Variants in KATNIP observed in about 807,000 individuals in gnomAD.
The protein encoded by KATNIP is katanin interacting protein.
In KATNIP, 126 loss-of-function variants were observed where a neutral mutation model predicts 174.0. The ratio of observed to expected loss-of-function variants is 0.72; its 90% CI spans 0.63 to 0.84. The LOEUF is 0.84. Ranked by LOEUF, KATNIP falls within the 40% of genes least tolerant of loss-of-function variation. The pLI, the probability that KATNIP is intolerant of heterozygous loss-of-function variation, is 0.00. For synonymous variants in KATNIP, 810 were observed against 835.7 expected (o/e 0.97, Z 0.53); for missense variants, 1,958 against 2,109.7 (o/e 0.93, Z 1.41).
chr16:27,694,974 T>C (rs2078865755), intron 8 of KATNIP, among the ~76,000 whole-genome samples: 1 of 152,092 alleles, frequency 6.6e-6, no homozygotes. Flanking sequence ...ACCCACAGCC[T>C]TCCACAGCTC....
chr16:27,704,679 G>A (rs2079229040), intron 12 of KATNIP, among the ~76,000 whole-genome samples: 1 of 152,128 alleles, frequency 6.6e-6, no homozygotes, highest in Non-Finnish European at 1.5e-5. Flanking sequence ...TAGTATAAAA[G>A]GATGGAAGCT....
At chr16:27,693,630 C>G (rs1454692530) in intron 8 of KATNIP, among the ~76,000 whole-genome samples, 1 of 151,974 alleles carries the variant, frequency 6.6e-6, no homozygotes, top group Non-Finnish European at 1.5e-5. Flanking sequence ...CTCAGGTGAT[C>G]CACCTGCCTC....
chr16:27,650,969 A>C (rs2077103056), intron 6 of KATNIP, among the ~76,000 whole-genome samples: 2 of 152,200 alleles, frequency 1.3e-5, no homozygotes, highest in South Asian at 4.1e-4. Context: ...AGTCTGTGCA[A>C]AACAGCCATC....
At chr16:27,561,338 A>G (rs974114567) in intron 1 of KATNIP, among the ~76,000 whole-genome samples, 4 of 152,008 alleles carry the variant, frequency 2.6e-5, no homozygotes, top group African/African-American at 4.8e-5. Context: ...CTTTTTCTCT[A>G]GTGGACACAT....
At chr16:27,773,029 C>T (rs1317230675) in intron 22 of KATNIP, 70 bp from the exon 23 acceptor site, 1 of 837,894 alleles carries the variant, frequency 1.2e-6, no homozygotes, top group Admixed American at 2.7e-5. Context: ...TTCCTCTTAT[C>T]TTTGCCATTG....
rs781332905 is a variant in KATNIP, at chr16:27,618,501, G to C, written c.140G>C (p.Arg47Pro). 6.2e-7 allele frequency: 1 copy of C among 1,606,008 alleles called. No individual in the cohort carries two copies. Among genetic ancestry groups the C allele is most frequent in the East Asian group, 2.2e-5 (1 of 44,852 alleles). ...TTAATATTGCTTCAGCAGAGGAACC[G>C]GTAAGAGAAGCCACTCGACGGCAGC... is the stretch of plus-strand genomic sequence containing the variant. ...EYLILLQQRN[R>P]ILKHLKSKDP... The change falls in exon 3 of 28, where the codon CGG becomes CCG. Residue 47 changes from arginine to proline, a missense_variant and splice_region_variant. Arg to Pro is a moderately radical substitution (Grantham distance 103). This residue lies in a region of KATNIP where 1,557 missense variants were observed against 1,617.8 expected (regional missense o/e 0.96). Coordinates refer to ENST00000261588, the MANE Select transcript of KATNIP (RefSeq NM_015202.5).
chr16:27,686,208 G>T (rs2078517475), intron 8 of KATNIP, among the ~76,000 whole-genome samples: 1 of 152,264 alleles, frequency 6.6e-6, no homozygotes. Flanking sequence ...TCTCCTCAAG[G>T]CAACATCTGG....
chr16:27,751,594 C>A, intron 16 of KATNIP, 125 bp from the exon 17 acceptor site: 2 of 812,098 alleles, frequency 2.5e-6, no homozygotes, highest in South Asian at 1.7e-5. Context: ...AAGGCTCACA[C>A]TAATCAATAC....
chr16:27,597,222 C>T (rs2075362556), intron 2 of KATNIP, among the ~76,000 whole-genome samples: 1 of 151,912 alleles, frequency 6.6e-6, no homozygotes, highest in African/African-American at 2.4e-5. Flanking sequence ...AAATTGTCAC[C>T]TTCTAGATAA....
In KATNIP at chr16:27,777,579, G is replaced by A. The variant is rs200979678; in HGVS notation, c.4552-31G>A. 7 of 1,573,872 alleles carry A rather than the reference G, an allele frequency of 4.4e-6. No homozygotes were observed. In the East Asian group the frequency reaches 6.8e-5, roughly 15 times the overall value. ...AGGTCAACGTGGGAGGGACGAGGGG[G>A]ACCCATGAGTCCTGCCCCGTGTCCC... On this transcript the variant is annotated intron_variant, in intron 25 of 27. Transcript: ENST00000261588. The surrounding 1 kb of genome is among the most constrained non-coding windows in gnomAD (Gnocchi z 4.4).
chr16:27,731,014 C>T (rs950575239), intron 14 of KATNIP, among the ~76,000 whole-genome samples: 3 of 152,170 alleles, frequency 2.0e-5, no homozygotes, highest in East Asian at 3.8e-4. Flanking sequence ...CCCGTGGCTG[C>T]GGTGCCACTA....
At chr16:27,556,292 G>A (rs1417856726) in intron 1 of KATNIP, among the ~76,000 whole-genome samples, 3 of 152,144 alleles carry the variant, frequency 2.0e-5, no homozygotes, top group Non-Finnish European at 4.4e-5. Context: ...AAAATCCAAT[G>A]TTTGACATTT....
intron 2 of KATNIP, among the ~76,000 whole-genome samples, chr16:27,605,730 G>A (rs935753814): frequency 1.3e-5 from 2 of 152,176 alleles, no homozygotes; most frequent in Admixed American, 1.3e-4. Context: ...CGTTGCTTTA[G>A]GTCTTTGTTG....
At position 27,740,758 on chromosome 16, in the gene KATNIP, A is replaced by G. The variant is rs2081074246; in HGVS notation, c.2461A>G (p.Asn821Asp). ...AGGGTGGGGGACCAGCCGGAGTGTCAACACCAAGGAGAGACCCCAGAGGGC... is the reference window on the plus strand; with the variant it reads ...AGGGTGGGGGACCAGCCGGAGTGTCGACACCAAGGAGAGACCCCAGAGGGC... ...EPGWGTSRSV[N>D]TKERPQRATT... The change falls in exon 15 of 28, where the codon AAC (asparagine) becomes GAC (aspartate). Residue 821 changes from asparagine to aspartate, a missense_variant. Physicochemically the swap from Asn to Asp is conservative, Grantham distance 23. Around this residue, in one of 3 missense-constraint regions of KATNIP, gnomAD observed 1,557 missense variants for 1,617.8 expected, o/e 0.96. Coordinates refer to ENST00000261588, the MANE Select transcript of KATNIP (RefSeq NM_015202.5). 1 of 1,614,102 alleles carries G rather than the reference A, an allele frequency of 6.2e-7. No homozygotes were observed. Among genetic ancestry groups the G allele is most frequent in the Admixed American group, 1.7e-5 (1 of 60,006 alleles).
chr16:27,761,599 C>T lies in KATNIP; in HGVS notation c.3809+9C>T, dbSNP rs1304015327. ...TCCCGGGCCCTGGACAAGTAAGTGT[C>T]TATCAGAAGCTTTACTTTCATGCCC... On this transcript the variant is annotated intron_variant, in intron 19 of 27. Transcript: ENST00000261588. 3 of 1,608,302 alleles carry T rather than the reference C, an allele frequency of 1.9e-6. No homozygotes were observed. The highest frequency in any genetic ancestry group is 1.1e-5 in the South Asian group (1 of 90,962).
intron 12 of KATNIP, among the ~76,000 whole-genome samples, chr16:27,705,214 A>G (rs1194031666): frequency 1.3e-5 from 2 of 151,646 alleles, no homozygotes; most frequent in African/African-American, 4.8e-5. Context: ...CCCAGCCTCC[A>G]TTTTCTTTTG....
chr16:27,660,012 G>A (rs1597089657), intron 6 of KATNIP: 1 of 984,642 alleles, frequency 1.0e-6, no homozygotes, highest in Non-Finnish European at 1.2e-6. Context: ...CGCCTCCTGA[G>A]GATGTCGGAG....
At chr16:27,729,386 T>C (rs2080572825) in intron 14 of KATNIP, among the ~76,000 whole-genome samples, 1 of 152,226 alleles carries the variant, frequency 6.6e-6, no homozygotes, top group African/African-American at 2.4e-5. Flanking sequence ...CCTGCATTGC[T>C]ACCTGGGGTG....
chr16:27,563,131 T>C (rs139843480), intron 1 of KATNIP, among the ~76,000 whole-genome samples: 10 of 152,326 alleles, frequency 6.6e-5, no homozygotes, highest in African/African-American at 2.4e-4. Context: ...TTATTTTTAG[T>C]TGGGGAGACA....
Sources: allele counts gnomAD v4.1 joint callset (sites outside exome capture counted in the v4.1 genomes callset), GRCh38; gene constraint gnomAD v4.1.1; regional missense constraint gnomAD v4.1.1; non-coding constraint Gnocchi (gnomAD v3.1); transcripts MANE v1.5; gene names NCBI Gene and HGNC (gene_info 2026-07-23, HGNC 2026-07-21).